ZSCAN5C: variants seen among roughly 807,000 people sequenced by gnomAD.
ZSCAN5C encodes zinc finger and SCAN domain-containing protein 5C.
In ZSCAN5C, 11 loss-of-function variants were observed where a neutral mutation model predicts 17.3. The observed-to-expected ratio is 0.64, with a 90% confidence interval of 0.40 to 1.06. ZSCAN5C has a LOEUF of 1.06. Among genes scored for constraint, ZSCAN5C ranks in the 50% least tolerant of loss-of-function variants. ZSCAN5C has a pLI of 0.00. For missense variants in ZSCAN5C, 698 were observed against 538.9 expected (o/e 1.30, Z -2.92); for synonymous variants, 229 against 208.4 (o/e 1.10, Z -0.85).
At chr19:56,205,671 G>A (rs969104646) in intron 1 of ZSCAN5C, 116 bp from the exon 2 acceptor site, 11 of 458,396 alleles carry the variant, frequency 2.4e-5, no homozygotes, top group Middle Eastern at 5.6e-4. Context: ...TGATTTCCAC[G>A]GTGCTGAGTC....
chr19:56,205,918 C>T (rs1403614648), exon 2 of ZSCAN5C: 1 of 1,169,572 alleles, frequency 8.6e-7, no homozygotes, highest in Non-Finnish European at 1.3e-6. Flanking sequence ...GTAGACATGG[C>T]TGCAAATTGC....
chr19:56,204,164 C>A (rs1305417464), intron 1 of ZSCAN5C, among the ~76,000 whole-genome samples: 1 of 151,620 alleles, frequency 6.6e-6, no homozygotes, highest in African/African-American at 2.4e-5. Context: ...CCCTCCCTCC[C>A]TCTATCCCTC....
rs969350244 is a variant in ZSCAN5C at position 56,204,339 on chromosome 19, G to A, written c.-127-1448G>A. Among the ~76,000 whole-genome samples the A allele has an allele frequency of 1.2e-4, 18 of 151,072 alleles. 1 individual carries two copies. The highest frequency in any genetic ancestry group is 3.4e-4 in the African/African-American group (14 of 40,660). On this transcript the variant is annotated intron_variant, in intron 1 of 4. Transcript: ENST00000534327. ...TCTAATTTACATCCCAGCACAGGGC[G>A]CAGAGGACCCCTTTCCCCCGAATCC...
chr19:56,205,669 A>G, intron 1 of ZSCAN5C, 118 bp from the exon 2 acceptor site: 1 of 460,744 alleles, frequency 2.2e-6, no homozygotes, highest in Non-Finnish European at 3.9e-6. Flanking sequence ...ATTGATTTCC[A>G]CGGTGCTGAG....
At position 56,206,138 on chromosome 19, in the gene ZSCAN5C, C is replaced by T. The variant is rs541416785; in HGVS notation, c.225C>T (p.Pro75=). 6.2e-6 allele frequency: 10 copies of T among 1,603,384 alleles called. No individual in the cohort carries two copies. In the Admixed American group the frequency reaches 6.7e-5, roughly 11 times the overall value. The change falls in exon 2 of 5, where the codon CCC becomes CCT. Residue 75 remains proline, a synonymous_variant. Transcript: ENST00000534327. ...AGCTGTGCCATCTGTGGCTGAGGCCCGACCTCCACACCAAAGAGCAGATCC... is the reference window on the plus strand; with the variant it reads ...AGCTGTGCCATCTGTGGCTGAGGCCTGACCTCCACACCAAAGAGCAGATCC...
At chr19:56,206,202 C>G in exon 2 of ZSCAN5C, 1 of 1,584,384 alleles carries the variant, frequency 6.3e-7, no homozygotes, top group Non-Finnish European at 8.6e-7. Flanking sequence ...GATCTCCATG[C>G]CCCAGGAGCT....
chr19:56,207,729 A>G (rs923209326), intron 3 of ZSCAN5C, among the ~76,000 whole-genome samples: 3 of 151,676 alleles, frequency 2.0e-5, no homozygotes, highest in Admixed American at 6.6e-5. Flanking sequence ...TGGGGTGTTG[A>G]TAGCATCTAG....
At chr19:56,209,212 G>T, downstream of ZSCAN5C, 1 of 713,954 alleles carries the variant, frequency 1.4e-6, no homozygotes, top group Non-Finnish European at 2.5e-6. Context: ...TTCACCATCG[G>T]GTCTGTCTTC....
chr19:56,205,863 G>A lies in ZSCAN5C; in HGVS notation c.-51G>A, dbSNP rs574163420. ...TGTATATAGGTCGCAATTAGACACC[G>A]GCTTCTGGAAGAGCTTTCCCAGAGA... is the stretch of plus-strand genomic sequence containing the variant. On this transcript the variant is annotated 5_prime_UTR_variant, in exon 2 of 5. Transcript: ENST00000534327. 1.3e-3 allele frequency: 1,034 copies of A among 806,218 alleles called. 1 individual carries two copies. The highest frequency in any genetic ancestry group is 1.9e-3 in the Non-Finnish European group (892 of 480,158). The allele number at this position is 806,218 out of a possible 1,614,324, so 49.9% of individuals were successfully genotyped here. A position where few individuals can be genotyped will look rare whatever the true frequency, so the allele number is the denominator to read the frequency against.
intron 2 of ZSCAN5C, 141 bp from the exon 3 acceptor site, chr19:56,206,918 A>G: frequency 3.4e-6 from 2 of 592,000 alleles, no homozygotes; most frequent in Non-Finnish European, 6.0e-6. Context: ...AAAAAAGTTC[A>G]CACAGAGCTG....
exon 3 of ZSCAN5C, chr19:56,207,174 C>T (rs1351213023): frequency 1.3e-6 from 1 of 778,564 alleles, no homozygotes; most frequent in Non-Finnish European, 2.4e-6. Flanking sequence ...CAGCGGACCT[C>T]CTCTGTGAAC....
intron 1 of ZSCAN5C, among the ~76,000 whole-genome samples, chr19:56,203,841 G>C (rs1223029148): frequency 2.0e-5 from 3 of 151,258 alleles, no homozygotes; most frequent in Non-Finnish European, 4.4e-5. Flanking sequence ...TACAGACGGG[G>C]TTTCTCCATG....
intron 2 of ZSCAN5C, among the ~76,000 whole-genome samples, chr19:56,206,716 G>A (rs1266216386): frequency 6.6e-6 from 1 of 151,828 alleles, no homozygotes; most frequent in Non-Finnish European, 1.5e-5. Context: ...CTGAAGGGGG[G>A]CCCAGAAATA....
At chr19:56,204,956 C>G (rs1044648676) in intron 1 of ZSCAN5C, among the ~76,000 whole-genome samples, 1 of 151,546 alleles carries the variant, frequency 6.6e-6, no homozygotes, top group African/African-American at 2.4e-5. Context: ...ATTATTGTAT[C>G]AACCCACTTC....
intron 1 of ZSCAN5C, among the ~76,000 whole-genome samples, chr19:56,203,619 G>A (rs964306928): frequency 1.4e-5 from 2 of 146,814 alleles, no homozygotes; most frequent in Admixed American, 6.8e-5. Flanking sequence ...TCTACTCACT[G>A]CTACTATGAG....
intron 1 of ZSCAN5C, among the ~76,000 whole-genome samples, chr19:56,202,914 T>A (rs770737088): frequency 6.6e-6 from 1 of 151,992 alleles, no homozygotes; most frequent in African/African-American, 2.4e-5. Flanking sequence ...AAATCAGCCA[T>A]TGATGAATGG....
exon 5 of ZSCAN5C, chr19:56,209,027 T>A: frequency 6.2e-7 from 1 of 1,612,524 alleles, no homozygotes; most frequent in South Asian, 1.1e-5. Context: ...GGAGAAGCCC[T>A]TCGAATGTAA....
chr19:56,208,671 A>G, exon 5 of ZSCAN5C: 1 of 1,612,658 alleles, frequency 6.2e-7, no homozygotes. Flanking sequence ...CCTGTGGGCA[A>G]CAGAGAATCC....
Position 56,206,972 on chromosome 19 carries a change from G to A in ZSCAN5C, c.385-87G>A, listed in dbSNP as rs1287589412. On this transcript the variant is annotated intron_variant, in intron 2 of 4. Transcript: ENST00000534327. ...AGATTTGAACATTAATTACAGTAAA[G>A]TGTGAGCATTATGGCAGGACCCAGG... 4 of 642,720 alleles carry A rather than the reference G, an allele frequency of 6.2e-6. 1 individual carries two copies. The African/African-American group carries it at 7.2e-5, about 12-fold the overall frequency. The allele number at this position is 642,720 out of a possible 1,614,324, so 39.8% of individuals were successfully genotyped here. A position where few individuals can be genotyped will look rare whatever the true frequency, so the allele number is the denominator to read the frequency against.
Sources: allele counts gnomAD v4.1 joint callset (sites outside exome capture counted in the v4.1 genomes callset), GRCh38; gene constraint gnomAD v4.1.1; transcripts MANE v1.5; gene names NCBI Gene and HGNC (gene_info 2026-07-23, HGNC 2026-07-21).